Variants in ABCC6 observed in about 807,000 individuals in gnomAD.
The protein encoded by ABCC6 is ATP-binding cassette sub-family C member 6.
In ABCC6, 126 loss-of-function variants were observed where a neutral mutation model predicts 169.5. That is an observed-to-expected ratio of 0.74 (90% CI 0.64 to 0.86). The LOEUF is 0.86. Among genes scored for constraint, ABCC6 ranks in the 40% least tolerant of loss-of-function variants. The pLI, the probability that ABCC6 is intolerant of heterozygous loss-of-function variation, is 0.00. For synonymous variants in ABCC6, 752 were observed against 814.7 expected, an observed-to-expected ratio of 0.92 and a Z score of 1.31; for missense variants, 1,733 against 1,927.2, an observed-to-expected ratio of 0.90 and a Z score of 1.89.
chr16:16,188,953 C>G lies in ABCC6; in HGVS notation c.1657G>C (p.Val553Leu). 1 of 1,614,050 alleles carries G rather than the reference C, an allele frequency of 6.2e-7. No individual in the cohort carries two copies. Among genetic ancestry groups the G allele is most frequent in the Admixed American group, 1.7e-5 (1 of 60,018 alleles). The change falls in exon 13 of 31, where the codon GTC becomes CTC. Residue 553 changes from valine (V) to leucine (L), a missense_variant. This residue lies in a region of ABCC6 where 1,601 missense variants were observed against 1,635.5 expected (regional missense o/e 0.98). Coordinates refer to ENST00000205557, the MANE Select transcript of ABCC6 (RefSeq NM_001171.6). ...TFLVALVVFA[V>L]HTLVAENAMN... ...GCATTCTCGGCCACCAGAGTGTGGA[C>G]AGCAAACACCACCAGTGCGACCTGG...
chr16:16,189,741 G>A (rs2047778430), intron 12 of ABCC6, among the ~76,000 whole-genome samples: 1 of 152,106 alleles, frequency 6.6e-6, no homozygotes, highest in African/African-American at 2.4e-5. Context: ...TTTTAAAACT[G>A]TGGTTTAGGA....
chr16:16,190,199 C>A lies in ABCC6; in HGVS notation c.1600G>T (p.Val534Leu), dbSNP rs199634124. 1.2e-5 allele frequency: 20 copies of A among 1,613,942 alleles called. No individual in the cohort carries two copies. Among genetic ancestry groups the A allele is most frequent in the Admixed American group, 1.7e-5 (1 of 59,986 alleles). ...GACACTTGGAAGGACACCAGCGACA[C>A]AGAGAAGAGGAGGCCGGAGGTCCGC... Reference protein sequence around the residue: ...ALRTSGLLFSVSLVSFQVSTF... With the variant: ...ALRTSGLLFSLSLVSFQVSTF... Residue 534 changes from valine to leucine, a missense_variant, in exon 12 of 31, where the codon GTG becomes TTG. Val to Leu is a conservative substitution (Grantham distance 32). Coordinates refer to ENST00000205557, the MANE Select transcript of ABCC6 (RefSeq NM_001171.6).
At chr16:16,203,275 CCTT>C in intron 8 of ABCC6, 132 bp downstream of exon 8, 1 of 1,482,002 alleles carries the variant, frequency 6.7e-7, no homozygotes, top group Admixed American at 2.0e-5. Context: ...TCCTCAGTGT[CCTT>C]CTCACCCACC....
chr16:16,201,399 T>G (rs759275650), intron 9 of ABCC6, among the ~76,000 whole-genome samples: 1 of 152,004 alleles, frequency 6.6e-6, no homozygotes, highest in Non-Finnish European at 1.5e-5. Flanking sequence ...TAAAATTAGA[T>G]TGGGGGAGTA....
chr16:16,197,201 G>A (rs769375370), intron 10 of ABCC6, among the ~76,000 whole-genome samples: 29 of 152,126 alleles, frequency 1.9e-4, no homozygotes, highest in Admixed American at 3.3e-4. Flanking sequence ...AGGGTTACTG[G>A]TAACTTCAAA....
chr16:16,173,505 A>G (rs1419240385), intron 20 of ABCC6, 101 bp from the exon 21 acceptor site: 2 of 1,366,380 alleles, frequency 1.5e-6, no homozygotes, highest in Non-Finnish European at 2.1e-6. Flanking sequence ...AGCTCTGGGT[A>G]CACTCTGTAC....
chr16:16,178,769 T>A lies in ABCC6; in HGVS notation c.2415+29A>T, dbSNP rs1270375986. ...AAGTGCTTCCTCTGCCTTTGCCCTG[T>A]ACTGTCTGACACATGTTCCCAAACT... On this transcript the variant is annotated intron_variant, in intron 18 of 30. Coordinates refer to ENST00000205557, the MANE Select transcript of ABCC6 (RefSeq NM_001171.6). 3.7e-6 allele frequency: 6 copies of A among 1,613,710 alleles called. No homozygotes were observed. In the South Asian group the frequency reaches 6.6e-5, roughly 18 times the overall value.
chr16:16,158,042 T>G (rs2238471), intron 26 of ABCC6, among the ~76,000 whole-genome samples: 5,654 of 152,322 alleles, frequency 0.037, 283 homozygotes, highest in East Asian at 0.26. Flanking sequence ...CACTGTTTAT[T>G]ATAAAATAAT....
intron 21 of ABCC6, 75 bp downstream of exon 21, chr16:16,173,209 A>C: frequency 6.2e-7 from 1 of 1,601,160 alleles, no homozygotes; most frequent in Non-Finnish European, 8.5e-7. Context: ...GCCAAGTGCT[A>C]CATTTGGTGG....
At position 16,161,430 on chromosome 16, in the gene ABCC6, G is replaced by A; in HGVS notation, c.3633+8C>T. ...CCCTCAAGCCCAGTTTGGGGATGTG[G>A]GGAGTACCTGGAGGGCAGCAGAGAC... On this transcript the variant is annotated splice_region_variant and intron_variant, in intron 25 of 30. Coordinates refer to ENST00000205557, the MANE Select transcript of ABCC6 (RefSeq NM_001171.6). 1.9e-6 allele frequency: 3 copies of A among 1,613,726 alleles called. No individual in the cohort carries two copies. In the South Asian group the frequency reaches 3.3e-5, roughly 18 times the overall value.
intron 4 of ABCC6, 44 bp from the exon 5 acceptor site, chr16:16,214,493 G>A: frequency 6.4e-7 from 1 of 1,551,498 alleles, no homozygotes; most frequent in Non-Finnish European, 8.7e-7. Context: ...GACAGAGGAG[G>A]GTGCTCAGAG....
intron 24 of ABCC6, among the ~76,000 whole-genome samples, chr16:16,161,986 C>T (rs999947159): frequency 2.6e-5 from 4 of 152,016 alleles, no homozygotes; most frequent in African/African-American, 4.8e-5. Context: ...ATATTGTTCT[C>T]GAGATAGTGA....
rs1446485662 is a variant in ABCC6 at position 16,199,037 on chromosome 16, G to A, written c.1177-855C>T. 6.8e-5 allele frequency among the ~76,000 whole-genome samples: 9 copies of A among 133,128 alleles called. No homozygotes were observed. In the East Asian group the frequency reaches 1.5e-3, roughly 23 times the overall value. The allele number at this position is 133,128 out of a possible 152,430, so 87.3% of individuals were successfully genotyped here. A position where few individuals can be genotyped will look rare whatever the true frequency, so the allele number is the denominator to read the frequency against. ...AATTAGCCAGGCATGGTTGTGGTGC[G>A]CCTGTGGTCCTAGCTAGCTACTGGG... On this transcript the variant is annotated intron_variant, in intron 9 of 30. Coordinates refer to ENST00000205557, the MANE Select transcript of ABCC6 (RefSeq NM_001171.6).
At chr16:16,171,623 T>TG (rs928324896) in intron 21 of ABCC6, among the ~76,000 whole-genome samples, 39 of 152,180 alleles carry the variant, frequency 2.6e-4, no homozygotes, top group East Asian at 9.7e-4. Context: ...GATCAATGAA[T>TG]GGATGAACAG....
At chr16:16,170,259 T>A (rs1018592371) in intron 21 of ABCC6, among the ~76,000 whole-genome samples, 1 of 151,822 alleles carries the variant, frequency 6.6e-6, no homozygotes, top group African/African-American at 2.4e-5. Context: ...TACCACCATG[T>A]TTTGTTAATT....
At chr16:16,187,251 C>G (rs753937625) in intron 13 of ABCC6, 40 bp from the exon 14 acceptor site, 3 of 1,561,644 alleles carry the variant, frequency 1.9e-6, no homozygotes, top group South Asian at 1.1e-5. Context: ...GCAAGAAGAG[C>G]AAAGAACTCA....
chr16:16,169,896 G>A, intron 21 of ABCC6, 43 bp from the exon 22 acceptor site: 1 of 1,541,410 alleles, frequency 6.5e-7, no homozygotes, highest in Non-Finnish European at 8.8e-7. Context: ...AGAGCCCCCA[G>A]TGGGAGGGGT....
Position 16,161,194 on chromosome 16 carries a change from G to A in ABCC6, c.3633+244C>T, listed in dbSNP as rs545068307. Among the ~76,000 whole-genome samples, 25 of 152,204 alleles carry A rather than the reference G, an allele frequency of 1.6e-4. 1 individual carries two copies. The highest frequency in any genetic ancestry group is 2.4e-4 in the Non-Finnish European group (16 of 68,036). On this transcript the variant is annotated intron_variant, in intron 25 of 30. Coordinates refer to ENST00000205557, the MANE Select transcript of ABCC6 (RefSeq NM_001171.6). ...TAGTCTTTATAACATCAGAAGTAGT[G>A]GGATTTCTGGCCTGTCTTTCCAAGG...
chr16:16,188,920 C>A lies in ABCC6; in HGVS notation c.1690G>T (p.Ala564Ser). The A allele has an allele frequency of 6.2e-7, 1 of 1,614,044 alleles. No homozygotes were observed. The highest frequency in any genetic ancestry group is 8.5e-7 in the Non-Finnish European group (1 of 1,179,986). The stretch of plus-strand genomic sequence containing the variant: ...GTGAGAGTCACAAAGGCTTTCTCTG[C>A]ATTCATAGCATTCTCGGCCACCAGA... ...HTLVAENAMN[A>S]EKAFVTLTVL... The change falls in exon 13 of 31, where the codon GCA (alanine) becomes TCA (serine). Residue 564 changes from alanine (A) to serine (S), a missense_variant. Ala to Ser is a moderately conservative substitution (Grantham distance 99). Coordinates refer to ENST00000205557, the MANE Select transcript of ABCC6 (RefSeq NM_001171.6).
Sources: gnomAD v4.1 joint callset for allele counts (sites outside exome capture counted in the v4.1 genomes callset) on GRCh38, gnomAD v4.1.1 for gene constraint, gnomAD v4.1.1 regional missense constraint, MANE v1.5 for transcripts, NCBI Gene and HGNC (gene_info 2026-07-23, HGNC 2026-07-21) for gene names.